PAK4: variants seen among roughly 807,000 people sequenced by gnomAD.
The protein encoded by PAK4 is serine/threonine-protein kinase PAK 4.
Under a neutral mutation model 53.5 loss-of-function variants are expected in PAK4, and 49 were observed. The ratio of observed to expected loss-of-function variants is 0.92; its 90% CI spans 0.73 to 1.16. The LOEUF (loss-of-function observed/expected upper bound fraction) is 1.16. Among genes scored for constraint, PAK4 ranks in the 50% most tolerant of loss-of-function variants. PAK4 has a pLI of 0.00. For missense variants in PAK4, 824 were observed against 850.7 expected (o/e 0.97, Z 0.39); for synonymous variants, 376 against 375.6 (o/e 1.00, Z -0.01).
intron 1 of PAK4, among the ~76,000 whole-genome samples, chr19:39,163,913 G>A (rs978441408): frequency 6.6e-6 from 1 of 152,200 alleles, no homozygotes; most frequent in Non-Finnish European, 1.5e-5. Context: ...TGGGCTACGA[G>A]GGGGTAAGAC....
Position 39,173,777 on chromosome 19 carries a change from C to G in PAK4, c.865C>G (p.Pro289Ala), listed in dbSNP as rs778898769. 2 of 1,599,568 alleles carry G rather than the reference C, an allele frequency of 1.3e-6. No individual in the cohort carries two copies. Among genetic ancestry groups the G allele is most frequent in the Non-Finnish European group, 1.7e-6 (2 of 1,174,314 alleles). The change falls in exon 4 of 9, where the codon CCC becomes GCC. Residue 289 changes from proline (P) to alanine (A), a missense_variant. Pro to Ala is a conservative substitution (Grantham distance 27). Around this residue, in one of 2 missense-constraint regions of PAK4, gnomAD observed 478 missense variants for 435.8 expected, o/e 1.10. Transcript: ENST00000358301. This position sits in a 1 kb window ranked among gnomAD's most constrained non-coding sequence, Gnocchi z 6.9. ...CCCTGCTGTTCCTGGGCCCCCTGGC[C>G]CCCGCTCACCACAGCGGGAGCCACA...
intron 1 of PAK4, among the ~76,000 whole-genome samples, chr19:39,136,178 C>T (rs866982526): frequency 4.7e-4 from 69 of 145,960 alleles, no homozygotes; most frequent in African/African-American, 1.2e-3. Flanking sequence ...GTTCAAGCCA[C>T]CCTCATCTCC....
intron 1 of PAK4, among the ~76,000 whole-genome samples, chr19:39,158,408 A>C (rs898115744): frequency 6.6e-5 from 10 of 152,112 alleles, no homozygotes; most frequent in African/African-American, 2.4e-4. Flanking sequence ...TGGGTGCTGG[A>C]GCCTGAGAGG....
In PAK4 at chr19:39,161,653, A is replaced by G. The variant is rs2074286441; in HGVS notation, c.-22-7879A>G. On this transcript the variant is annotated intron_variant, in intron 1 of 8. Coordinates refer to ENST00000358301, the Ensembl canonical transcript of PAK4. This position sits in a 1 kb window ranked among gnomAD's most constrained non-coding sequence, Gnocchi z 4.5. ...CCCTCCTGGGCTCAGAGACCCCTGC[A>G]ACTCCGTCTCACTCGGGAAAGGACC... Among the ~76,000 whole-genome samples, 2 of 151,706 alleles carry G rather than the reference A, an allele frequency of 1.3e-5. No individual in the cohort carries two copies. Among genetic ancestry groups the G allele is most frequent in the Admixed American group, 1.3e-4 (2 of 15,244 alleles).
chr19:39,169,682 C>T (rs373656030), exon 2 of PAK4: 35 of 1,612,892 alleles, frequency 2.2e-5, no homozygotes, highest in East Asian at 6.7e-5. Flanking sequence ...AGAGCCTGAT[C>T]GAGGAGTCGG....
At chr19:39,176,253 C>T (rs2074602377) in intron 6 of PAK4, among the ~76,000 whole-genome samples, 1 of 152,212 alleles carries the variant, frequency 6.6e-6, no homozygotes. Flanking sequence ...GGCAGCAGGG[C>T]CCCAGGGCAC....
intron 1 of PAK4, among the ~76,000 whole-genome samples, chr19:39,155,743 C>T (rs1429500028): frequency 6.6e-6 from 1 of 152,158 alleles, no homozygotes; most frequent in Non-Finnish European, 1.5e-5. Context: ...AGACATCCAG[C>T]CTGGGAGTCC....
chr19:39,182,171 C>G (rs1568537662), downstream of PAK4: 1 of 152,216 alleles, frequency 6.6e-6, no homozygotes, highest in Non-Finnish European at 1.5e-5. Flanking sequence ...TTTCCTTCCT[C>G]CTGGGACACC....
chr19:39,160,472 C>T (rs1009226881), intron 1 of PAK4, among the ~76,000 whole-genome samples: 2 of 151,988 alleles, frequency 1.3e-5, no homozygotes, highest in South Asian at 2.1e-4. Flanking sequence ...ACATAAAAAG[C>T]GAGGTGCACA....
Position 39,174,212 on chromosome 19 carries a change from C to G in PAK4, c.1098+202C>G, listed in dbSNP as rs557323063. 5.2e-4 allele frequency among the ~76,000 whole-genome samples: 79 copies of G among 151,970 alleles called. 1 individual carries two copies. In the South Asian group the frequency reaches 0.011, roughly 22 times the overall value. On this transcript the variant is annotated intron_variant, in intron 4 of 8. Transcript: ENST00000358301. ...CCTCACAGCACCCTCACCCACATCTCTGTCCCTGAGCCCCAGACCCAGGGT... is the reference window on the plus strand; with the variant it reads ...CCTCACAGCACCCTCACCCACATCTGTGTCCCTGAGCCCCAGACCCAGGGT...
At chr19:39,150,897 T>A (rs1485068076) in intron 1 of PAK4, among the ~76,000 whole-genome samples, 3 of 152,198 alleles carry the variant, frequency 2.0e-5, no homozygotes, top group Admixed American at 6.5e-5. Context: ...TTTCACATTT[T>A]TTGCGTGTGG....
intron 1 of PAK4, among the ~76,000 whole-genome samples, chr19:39,144,709 A>G (rs759396020): frequency 6.6e-6 from 1 of 152,216 alleles, no homozygotes; most frequent in Non-Finnish European, 1.5e-5. Context: ...GCCAGGAGTT[A>G]CAAGGGGCCA....
intron 1 of PAK4, among the ~76,000 whole-genome samples, chr19:39,167,555 C>T (rs1002725397): frequency 2.0e-4 from 30 of 152,268 alleles, no homozygotes; most frequent in Middle Eastern, 3.4e-3. Flanking sequence ...GCCCCCCGTC[C>T]GCCCTCCATC....
chr19:39,165,346 CAAAAAAAA>C (rs59682991), intron 1 of PAK4, among the ~76,000 whole-genome samples: 2 of 92,644 alleles, frequency 2.2e-5, no homozygotes, highest in African/African-American at 8.1e-5. Flanking sequence ...ACTAAAAATA[CAAAAAAAA>C]AAAAAAAAAA....
intron 2 of PAK4, among the ~76,000 whole-genome samples, chr19:39,169,974 CCT>C (rs869046136): frequency 1.0e-5 from 1 of 97,818 alleles, no homozygotes; most frequent in Non-Finnish European, 2.4e-5. Context: ...CCAACCTGAG[CCT>C]CCCCCACGGC....
intron 1 of PAK4, among the ~76,000 whole-genome samples, chr19:39,147,065 A>G (rs529760791): frequency 6.8e-4 from 17 of 25,068 alleles, no homozygotes; most frequent in Non-Finnish European, 1.4e-3. Context: ...GTCATTGTCA[A>G]TTGACAATTG....
rs1449268597 is a variant in PAK4, at chr19:39,175,746, G to C, written c.1359+308G>C. Among the ~76,000 whole-genome samples the C allele has an allele frequency of 2.0e-5, 3 of 152,216 alleles. No homozygotes were observed. The highest frequency in any genetic ancestry group is 4.4e-5 in the Non-Finnish European group (3 of 68,038). ...AGGCTTCTTCCTCCACTGAAAAGCT[G>C]CTCCCTGCCCAGCACCCAGGGCGGT... On this transcript the variant is annotated intron_variant, in intron 6 of 8. Coordinates refer to ENST00000358301, the Ensembl canonical transcript of PAK4. The surrounding 1 kb of genome is among the most constrained non-coding windows in gnomAD (Gnocchi z 4.7).
At chr19:39,154,518 T>C (rs935180437) in intron 1 of PAK4, among the ~76,000 whole-genome samples, 2 of 152,222 alleles carry the variant, frequency 1.3e-5, no homozygotes, top group African/African-American at 4.8e-5. Flanking sequence ...TGTCACAGTT[T>C]ACCCTTTGGT....
chr19:39,140,928 T>C (rs186499383), intron 1 of PAK4, among the ~76,000 whole-genome samples: 64 of 152,326 alleles, frequency 4.2e-4, no homozygotes, highest in Non-Finnish European at 3.5e-4. Context: ...ACTGTCATTA[T>C]GCCATTCTGG....
Sources: gnomAD v4.1 joint callset for allele counts (sites outside exome capture counted in the v4.1 genomes callset) on GRCh38, gnomAD v4.1.1 for gene constraint, gnomAD v4.1.1 regional missense constraint, Gnocchi (gnomAD v3.1) non-coding constraint, MANE v1.5 for transcripts, NCBI Gene and HGNC (gene_info 2026-07-23, HGNC 2026-07-21) for gene names.